Variants in ACAP2 observed in about 807,000 individuals in gnomAD.
ACAP2 encodes the protein arf-GAP with coiled-coil, ANK repeat and PH domain-containing protein 2.
Under a neutral mutation model 115.8 loss-of-function variants are expected in ACAP2, and 39 were observed. The observed-to-expected ratio is 0.34, with a 90% CI of 0.26 to 0.44. The LOEUF (loss-of-function observed/expected upper bound fraction) is 0.44. Among genes scored for constraint, ACAP2 ranks in the 20% least tolerant of loss-of-function variants. The pLI, the probability that ACAP2 is intolerant of heterozygous loss-of-function variation, is 1.00. For missense variants in ACAP2, 662 were observed against 927.6 expected (o/e 0.71, Z 3.72); for synonymous variants, 289 against 315.8 (o/e 0.92, Z 0.90).
At chr3:195,385,951 T>C (rs539535777) in intron 2 of ACAP2, among the ~76,000 whole-genome samples, 4 of 152,168 alleles carry the variant, frequency 2.6e-5, no homozygotes, top group South Asian at 4.1e-4. Flanking sequence ...AAAGGGATCA[T>C]AGCAGCATTA....
At chr3:195,381,718 T>A (rs6801007) in intron 3 of ACAP2, among the ~76,000 whole-genome samples, 185 bp downstream of exon 3, 42,018 of 151,892 alleles carry the variant, frequency 0.28, 6,587 homozygotes, top group East Asian at 0.72. Context: ...TAATGCGCAA[T>A]GCAAATCAAC....
intron 19 of ACAP2, 54 bp downstream of exon 19, chr3:195,292,211 G>C (rs1464923156): frequency 2.1e-5 from 31 of 1,499,896 alleles, no homozygotes; most frequent in Non-Finnish European, 2.7e-5. Flanking sequence ...AACATATTAT[G>C]ATTTTTTTTA....
intron 4 of ACAP2, among the ~76,000 whole-genome samples, chr3:195,374,283 G>A (rs1198465239): frequency 2.6e-5 from 4 of 152,070 alleles, no homozygotes; most frequent in African/African-American, 9.7e-5. Context: ...TCACCTACTA[G>A]GGAGGCCGAG....
chr3:195,409,060 A>G (rs2108806455), intron 1 of ACAP2, among the ~76,000 whole-genome samples: 1 of 152,146 alleles, frequency 6.6e-6, no homozygotes, highest in East Asian at 1.9e-4. Context: ...CTTCTATTCA[A>G]CATAGCACTG....
chr3:195,325,628 A>G (rs1474662012), intron 9 of ACAP2, among the ~76,000 whole-genome samples: 1 of 152,084 alleles, frequency 6.6e-6, no homozygotes, highest in Non-Finnish European at 1.5e-5. Flanking sequence ...CTGTGTCCAC[A>G]ATAGGAAAAG....
intron 8 of ACAP2, among the ~76,000 whole-genome samples, chr3:195,328,352 T>G (rs1729938948): frequency 6.6e-6 from 1 of 152,068 alleles, no homozygotes; most frequent in Non-Finnish European, 1.5e-5. Flanking sequence ...TTATCACAAA[T>G]GATGTTTTTT....
At chr3:195,367,570 G>C (rs745768268) in intron 4 of ACAP2, among the ~76,000 whole-genome samples, 3 of 152,174 alleles carry the variant, frequency 2.0e-5, no homozygotes, top group African/African-American at 7.2e-5. Context: ...TCACACGGTA[G>C]AGTTGATTTT....
At chr3:195,361,289 A>G (rs1403868154) in intron 4 of ACAP2, among the ~76,000 whole-genome samples, 1 of 152,136 alleles carries the variant, frequency 6.6e-6, no homozygotes, top group East Asian at 1.9e-4. Flanking sequence ...TACAAAAATT[A>G]GCCAGGTGTA....
In ACAP2 at chr3:195,276,219, C is replaced by T. The variant is rs1446043815; in HGVS notation, c.*3109G>A. 1.3e-5 allele frequency: 2 copies of T among 152,182 alleles called. No individual in the cohort carries two copies. Among genetic ancestry groups the T allele is most frequent in the Admixed American group, 6.6e-5 (1 of 15,266 alleles). 9.4% of individuals were successfully genotyped at this position (152,182 alleles called of 1,614,324 possible). ...TTTTTCAAAATGCACTCATGAAGAA[C>T]CAAAGTTCATATTCCAAATTAAATC... On this transcript the variant is annotated 3_prime_UTR_variant, in exon 23 of 23. Coordinates refer to ENST00000326793, the MANE Select transcript of ACAP2 (RefSeq NM_012287.6).
chr3:195,279,728 CG>C (rs199565088), intron 22 of ACAP2: 2 of 181,804 alleles, frequency 1.1e-5, no homozygotes, highest in East Asian at 1.4e-4. Context: ...TATTAACACA[CG>C]GGGGGGAAAA....
chr3:195,410,264 A>T (rs976382890), intron 1 of ACAP2, among the ~76,000 whole-genome samples: 5 of 152,258 alleles, frequency 3.3e-5, no homozygotes, highest in Non-Finnish European at 7.3e-5. Context: ...TACAAAAATT[A>T]ACTCAAAAGA....
intron 1 of ACAP2, among the ~76,000 whole-genome samples, chr3:195,416,249 G>A (rs991121380): frequency 1.3e-5 from 2 of 152,056 alleles, no homozygotes; most frequent in African/African-American, 4.8e-5. Flanking sequence ...GGGAGGCTGA[G>A]GCAGGAGAAT....
In ACAP2 at chr3:195,442,413, G is replaced by A. The variant is rs1716078529; in HGVS notation, c.53+382C>T. The A allele has an allele frequency of 9.3e-6, 3 of 321,336 alleles. No homozygotes were observed. The South Asian group carries it at 1.5e-4, about 16-fold the overall frequency. 19.9% of individuals were successfully genotyped at this position (321,336 alleles called of 1,614,324 possible). A position where few individuals can be genotyped will look rare whatever the true frequency, so the allele number is the denominator to read the frequency against. ...AGGGGGTGGAAACCAAGAAGGGGCG[G>A]AAGGAAGGGGGAAGGAAGAGCAGCC... On this transcript the variant is annotated intron_variant, in intron 1 of 22. Transcript: ENST00000326793.
intron 2 of ACAP2, among the ~76,000 whole-genome samples, chr3:195,389,313 A>G (rs1465677061): frequency 6.6e-6 from 1 of 152,194 alleles, no homozygotes; most frequent in African/African-American, 2.4e-5. Flanking sequence ...GGAAAAAAGA[A>G]TCCACTCATA....
chr3:195,412,975 TACAAGTGCTTTTAAGA>T, intron 1 of ACAP2: 1 of 433,208 alleles, frequency 2.3e-6, no homozygotes, highest in Non-Finnish European at 4.6e-6. Context: ...TGTAAGGTAT[TACAAGTGCTTTTAAGA>T]AAAGCAGGAT....
intron 4 of ACAP2, among the ~76,000 whole-genome samples, chr3:195,377,138 CTTTTTTTTTTT>C (rs749352761): frequency 1.3e-5 from 1 of 77,108 alleles, no homozygotes; most frequent in African/African-American, 5.3e-5. Flanking sequence ...GAATGTAAAT[CTTTTTTTTTTT>C]TTTTTTTTTT....
chr3:195,394,653 T>C (rs1418345027), intron 1 of ACAP2, among the ~76,000 whole-genome samples: 3 of 152,126 alleles, frequency 2.0e-5, no homozygotes, highest in Non-Finnish European at 4.4e-5. Flanking sequence ...CAGTCTCTAC[T>C]AAAAATACAA....
intron 1 of ACAP2, among the ~76,000 whole-genome samples, chr3:195,399,354 A>C (rs1268891458): frequency 6.6e-6 from 1 of 152,124 alleles, no homozygotes; most frequent in Non-Finnish European, 1.5e-5. Flanking sequence ...TATTTTTTGT[A>C]GAGACAGGAT....
chr3:195,279,563 G>T (rs1249315296), intron 22 of ACAP2, 135 bp from the exon 23 acceptor site: 1 of 472,994 alleles, frequency 2.1e-6, no homozygotes. Flanking sequence ...TGGAAGAAAA[G>T]GGGCAACTAA....
Sources: allele counts gnomAD v4.1 joint callset (sites outside exome capture counted in the v4.1 genomes callset), GRCh38; gene constraint gnomAD v4.1.1; transcripts MANE v1.5; gene names NCBI Gene and HGNC (gene_info 2026-07-23, HGNC 2026-07-21).